Variants in CNTNAP2 observed in about 807,000 individuals in gnomAD.
CNTNAP2 encodes the protein contactin-associated protein-like 2.
A neutral mutation model predicts 155.2 loss-of-function variants in CNTNAP2; 98 were observed. The observed-to-expected ratio is 0.63, with a 90% CI of 0.54 to 0.75. CNTNAP2 has a LOEUF of 0.75. CNTNAP2 is among the 30% of genes least tolerant of loss of function. The probability of loss-of-function intolerance (pLI) is 0.00; values close to 1 mark genes in which losing one functional copy is unlikely to be tolerated. For synonymous variants in CNTNAP2, 651 were observed against 631.2 expected (o/e 1.03, Z -0.47); for missense variants, 1,727 against 1,688.1 (o/e 1.02, Z -0.40).
chr7:146,189,377 T>G (rs11974152), intron 1 of CNTNAP2, among the ~76,000 whole-genome samples: 49,011 of 152,022 alleles, frequency 0.32, 9,651 homozygotes, highest in African/African-American at 0.56. Context: ...TCAGCTTCAA[T>G]AAATTAAATA....
intron 14 of CNTNAP2, among the ~76,000 whole-genome samples, chr7:147,968,177 AC>A (rs1801257984): frequency 6.6e-6 from 1 of 152,228 alleles, no homozygotes; most frequent in Non-Finnish European, 1.5e-5. Flanking sequence ...CCCTCAGGGA[AC>A]TTGCTTTCCA....
At chr7:147,748,678 T>A (rs1244001631) in intron 13 of CNTNAP2, among the ~76,000 whole-genome samples, 1 of 152,154 alleles carries the variant, frequency 6.6e-6, no homozygotes, top group Non-Finnish European at 1.5e-5. Context: ...CATGCCTCCC[T>A]TGAACTCAGG....
At chr7:146,605,074 T>TA (rs1295202201) in intron 1 of CNTNAP2, among the ~76,000 whole-genome samples, 1,513 of 115,718 alleles carry the variant, frequency 0.013, 35 homozygotes, top group Non-Finnish European at 0.02. Context: ...TAAAGTATAA[T>TA]AAAAAAAAAC....
rs967509678 is a variant in CNTNAP2 at position 146,831,999 on chromosome 7, A to G, written c.209-7712A>G. Among the ~76,000 whole-genome samples, 5 of 152,144 alleles carry G rather than the reference A, an allele frequency of 3.3e-5. No individual in the cohort carries two copies. In the East Asian group the frequency reaches 9.6e-4, roughly 29 times the overall value. ...GGGCCACTGCCAATTTTCCTACTCT[A>G]GTTTATAACAGATGTTGATTAATGG... On this transcript the variant is annotated intron_variant, in intron 2 of 23. Coordinates refer to ENST00000361727, the MANE Select transcript of CNTNAP2 (RefSeq NM_014141.6).
At chr7:147,310,571 G>A (rs926999478) in intron 9 of CNTNAP2, among the ~76,000 whole-genome samples, 2 of 152,088 alleles carry the variant, frequency 1.3e-5, no homozygotes, top group African/African-American at 4.8e-5. Context: ...AAACTGTAAT[G>A]CCTTGTATAT....
chr7:146,694,004 T>A (rs889034572), intron 1 of CNTNAP2, among the ~76,000 whole-genome samples: 1 of 152,094 alleles, frequency 6.6e-6, no homozygotes, highest in African/African-American at 2.4e-5. Flanking sequence ...TATTTTAAAA[T>A]TCCAGATTAA....
At chr7:146,375,775 C>G (rs1432169402) in intron 1 of CNTNAP2, among the ~76,000 whole-genome samples, 1 of 152,048 alleles carries the variant, frequency 6.6e-6, no homozygotes, top group Non-Finnish European at 1.5e-5. Context: ...ATCGTGTGAC[C>G]CAGTGTACAA....
chr7:146,279,611 A>C (rs1409234156), intron 1 of CNTNAP2, among the ~76,000 whole-genome samples: 1 of 152,086 alleles, frequency 6.6e-6, no homozygotes. Context: ...GTTAATGAAA[A>C]AATAATTTGT....
In CNTNAP2 at chr7:147,355,107, G is replaced by A. The variant is rs186554799; in HGVS notation, c.1499-40502G>A. Among the ~76,000 whole-genome samples the A allele has an allele frequency of 7.6e-4, 116 of 151,862 alleles. 1 individual carries two copies. Among genetic ancestry groups the A allele is most frequent in the African/African-American group, 2.6e-3 (109 of 41,490 alleles). On this transcript the variant is annotated intron_variant, in intron 9 of 23. Transcript: ENST00000361727. ...AGAGACAACTTGACATCTGGCTTGA[G>A]GAGCTTTAAGTGACCAGATCATGGC... is the stretch of plus-strand genomic sequence containing the variant.
rs1438380130 is a variant in CNTNAP2 at position 147,784,532 on chromosome 7, T to C, written c.2099-119033T>C. 3.5e-5 allele frequency among the ~76,000 whole-genome samples: 3 copies of C among 84,980 alleles called. No homozygotes were observed. The East Asian group carries it at 1.3e-3, about 35-fold the overall frequency. 55.8% of individuals were successfully genotyped at this position (84,980 alleles called of 152,430 possible). A position where few individuals can be genotyped will look rare whatever the true frequency, so the allele number is the denominator to read the frequency against. ...ATATATATATATATATATATATATA[T>C]ATATATATATATATATATGAGTTTT... is the stretch of plus-strand genomic sequence containing the variant. On this transcript the variant is annotated intron_variant, in intron 13 of 23. Coordinates refer to ENST00000361727, the MANE Select transcript of CNTNAP2 (RefSeq NM_014141.6).
chr7:148,304,035 C>A (rs1200591625), intron 21 of CNTNAP2, among the ~76,000 whole-genome samples: 1 of 152,172 alleles, frequency 6.6e-6, no homozygotes, highest in Admixed American at 6.5e-5. Context: ...AAATCTGCAA[C>A]CTCCCTCCCT....
chr7:147,067,739 TAGAA>T (rs1414578001), intron 4 of CNTNAP2, among the ~76,000 whole-genome samples: 1 of 152,172 alleles, frequency 6.6e-6, no homozygotes, highest in Non-Finnish European at 1.5e-5. Context: ...TCTTCATTGA[TAGAA>T]AGAAAATAAT....
intron 21 of CNTNAP2, among the ~76,000 whole-genome samples, chr7:148,293,701 G>A (rs1797232744): frequency 6.6e-6 from 1 of 152,076 alleles, no homozygotes; most frequent in African/African-American, 2.4e-5. Context: ...CAGGATTGAA[G>A]GTTGTGTCAA....
intron 13 of CNTNAP2, among the ~76,000 whole-genome samples, chr7:147,787,896 A>G (rs1310078945): frequency 6.6e-6 from 1 of 152,182 alleles, no homozygotes; most frequent in African/African-American, 2.4e-5. Context: ...CAAAATGTAT[A>G]AGATTTTGTA....
At position 148,409,478 on chromosome 7, in the gene CNTNAP2, G is replaced by C; in HGVS notation, c.3796+7G>C. The C allele has an allele frequency of 6.2e-7, 1 of 1,612,482 alleles. No homozygotes were observed. The highest frequency in any genetic ancestry group is 8.5e-7 in the Non-Finnish European group (1 of 1,178,558). ...AACTCGGCTATCATTGGAGGTAGGT[G>C]ATGTCTAGAGGAGGCTTATATGGGG... On this transcript the variant is annotated splice_region_variant and intron_variant, in intron 23 of 23. Transcript: ENST00000361727.
chr7:147,403,601 G>A (rs761399811), intron 10 of CNTNAP2, among the ~76,000 whole-genome samples: 2 of 152,096 alleles, frequency 1.3e-5, no homozygotes, highest in African/African-American at 4.8e-5. Flanking sequence ...TGGTTGTTTG[G>A]CTTTTATGTC....
At chr7:146,656,368 C>CA (rs959882082) in intron 1 of CNTNAP2, among the ~76,000 whole-genome samples, 13 of 151,614 alleles carry the variant, frequency 8.6e-5, no homozygotes, top group East Asian at 3.9e-4. Flanking sequence ...TTAGAAGTAA[C>CA]AAAAAAAAGA....
At chr7:146,442,470 A>G (rs527455181) in intron 1 of CNTNAP2, among the ~76,000 whole-genome samples, 69 of 151,908 alleles carry the variant, frequency 4.5e-4, no homozygotes, top group African/African-American at 1.6e-3. Context: ...GTGTGTGTGT[A>G]TGTGTGAGTG....
At chr7:146,690,190 C>A (rs2642487) in intron 1 of CNTNAP2, among the ~76,000 whole-genome samples, 121,652 of 151,954 alleles carry the variant, frequency 0.8, 49,286 homozygotes, top group South Asian at 0.91. Flanking sequence ...AACAACAGTT[C>A]AATTTCAATC....
Sources: allele counts gnomAD v4.1 joint callset (sites outside exome capture counted in the v4.1 genomes callset), GRCh38; gene constraint gnomAD v4.1.1; transcripts MANE v1.5; gene names NCBI Gene and HGNC (gene_info 2026-07-23, HGNC 2026-07-21).